Variants in DBT observed in about 807,000 individuals in gnomAD.
The protein encoded by DBT is dihydrolipoamide branched chain transacylase E2, also known as lipoamide acyltransferase component of branched-chain alpha-keto acid dehydrogenase complex, mitochondrial.
Under a neutral mutation model 51.3 loss-of-function variants are expected in DBT, and 40 were observed. The observed-to-expected ratio is 0.78, with a 90% CI of 0.61 to 1.02. The LOEUF is 1.02. Ranked by LOEUF, DBT falls within the 50% of genes least tolerant of loss-of-function variation. DBT has a pLI of 0.00. For missense variants in DBT, 510 were observed against 580.2 expected (o/e 0.88, Z 1.24); for synonymous variants, 181 against 190.4 (o/e 0.95, Z 0.41).
chr1:100,210,333 A>AT (rs1662058865), intron 8 of DBT, among the ~76,000 whole-genome samples: 4 of 126,290 alleles, frequency 3.2e-5, no homozygotes, highest in African/African-American at 8.1e-5. Flanking sequence ...AATAAGAAGA[A>AT]GAAGAAGAAG....
At chr1:100,198,582 A>C (rs190185592) in intron 10 of DBT, among the ~76,000 whole-genome samples, 19 of 152,348 alleles carry the variant, frequency 1.2e-4, no homozygotes, top group African/African-American at 4.6e-4. Flanking sequence ...AATTTTGTCA[A>C]ACAGGTATAA....
At chr1:100,243,884 C>T (rs757971878) in intron 1 of DBT, among the ~76,000 whole-genome samples, 1 of 150,102 alleles carries the variant, frequency 6.7e-6, no homozygotes, top group Non-Finnish European at 1.5e-5. Flanking sequence ...GACATGCATG[C>T]TCTAACTTTT....
At chr1:100,203,286 G>A (rs1205085941) in intron 10 of DBT, among the ~76,000 whole-genome samples, 1 of 152,180 alleles carries the variant, frequency 6.6e-6, no homozygotes. Context: ...TGATCTCACA[G>A]AAATACAAAC....
In DBT at chr1:100,196,074, C is replaced by T. The variant is rs187133238; in HGVS notation, c.*181G>A. 44 of 649,972 alleles carry T rather than the reference C, an allele frequency of 6.8e-5. No individual in the cohort carries two copies. Among genetic ancestry groups the T allele is most frequent in the African/African-American group, 6.0e-4 (33 of 55,046 alleles). The allele number at this position is 649,972 out of a possible 1,614,324, so 40.3% of individuals were successfully genotyped here. ...TGTGACAGCCCCAGGAGAACCATTA[C>T]ACCATTATTCATTTTCAGTAAAAAG... On this transcript the variant is annotated 3_prime_UTR_variant, in exon 11 of 11. Transcript: ENST00000370132.
intron 4 of DBT, among the ~76,000 whole-genome samples, chr1:100,225,042 A>ATATATATGTATATAT (rs1334781885): frequency 2.2e-5 from 1 of 45,648 alleles, no homozygotes; most frequent in African/African-American, 6.7e-5. Context: ...AAAAAAAAAA[A>ATATATATGTATATAT]ATATATATAT....
intron 4 of DBT, among the ~76,000 whole-genome samples, chr1:100,225,985 C>T (rs551611712): frequency 5.9e-5 from 9 of 152,064 alleles, no homozygotes; most frequent in Non-Finnish European, 1.3e-4. Context: ...CAGAGCAAGA[C>T]CCCATGTCAA....
intron 4 of DBT, among the ~76,000 whole-genome samples, chr1:100,220,696 T>G (rs1392535303): frequency 6.6e-6 from 1 of 152,188 alleles, no homozygotes; most frequent in Non-Finnish European, 1.5e-5. Context: ...GTTTAAAAAG[T>G]GAGGTTTGAC....
intron 8 of DBT, among the ~76,000 whole-genome samples, chr1:100,209,941 C>A (rs942860768): frequency 6.6e-6 from 1 of 152,174 alleles, no homozygotes; most frequent in Non-Finnish European, 1.5e-5. Flanking sequence ...GAAACTTTCA[C>A]TACTCACAGA....
Position 100,214,808 on chromosome 1 carries a change from G to T in DBT, c.939+9C>A. Reference sequence around the variant, plus strand: ...TACTCAAGCCTTGTTTGAAATGAATGAATCTCACCTTTAAGAAGAAAGGCA... The same window carrying T: ...TACTCAAGCCTTGTTTGAAATGAATTAATCTCACCTTTAAGAAGAAAGGCA... On this transcript the variant is annotated intron_variant, in intron 7 of 10. Transcript: ENST00000370132. 1 of 1,613,156 alleles carries T rather than the reference G, an allele frequency of 6.2e-7. No individual in the cohort carries two copies. The highest frequency in any genetic ancestry group is 8.5e-7 in the Non-Finnish European group (1 of 1,179,256).
rs1011398782 is a variant in DBT, at chr1:100,194,377, A to G, written c.*1878T>C. On this transcript the variant is annotated 3_prime_UTR_variant, in exon 11 of 11. Transcript: ENST00000370132. Reference sequence around the variant, plus strand: ...TTCTGAGACAAAGTGTTGCTCTGCCACCCAGGCTGGAGTGCAGTGGTGTGA... The same window carrying G: ...TTCTGAGACAAAGTGTTGCTCTGCCGCCCAGGCTGGAGTGCAGTGGTGTGA... The G allele has an allele frequency of 1.3e-5, 2 of 148,572 alleles. No individual in the cohort carries two copies. Among genetic ancestry groups the G allele is most frequent in the African/African-American group, 5.0e-5 (2 of 40,080 alleles). 9.2% of individuals were successfully genotyped at this position (148,572 alleles called of 1,614,324 possible).
intron 10 of DBT, among the ~76,000 whole-genome samples, chr1:100,203,910 G>A (rs1661600575): frequency 6.6e-6 from 1 of 152,092 alleles, no homozygotes; most frequent in Non-Finnish European, 1.5e-5. Flanking sequence ...ACCCCTTCAT[G>A]CTAAAAACAC....
chr1:100,246,486 A>G (rs1485296418), intron 1 of DBT, among the ~76,000 whole-genome samples: 1 of 152,242 alleles, frequency 6.6e-6, no homozygotes, highest in Non-Finnish European at 1.5e-5. Context: ...ACACTTTACT[A>G]CAGGAAGACA....
At position 100,230,779 on chromosome 1, in the gene DBT, G is replaced by A. The variant is rs200503541; in HGVS notation, c.387C>T (p.Ala129=). Residue 129 remains alanine (A), a synonymous_variant, in exon 4 of 11, where the codon GCC becomes GCT. Transcript: ENST00000370132. Reference sequence around the variant, plus strand: ...TGTCTACTAATGGCTTCCCCACATAGGCAATATCGTCTAGATTATAATAGA... The same window carrying A: ...TGTCTACTAATGGCTTCCCCACATAAGCAATATCGTCTAGATTATAATAGA... The part of the protein sequence containing the change: ...KKLYYNLDDI[A]YVGKPLVDIE... 7 of 1,611,294 alleles carry A rather than the reference G, an allele frequency of 4.3e-6. No homozygotes were observed. Among genetic ancestry groups the A allele is most frequent in the Non-Finnish European group, 5.9e-6 (7 of 1,178,062 alleles).
intron 4 of DBT, among the ~76,000 whole-genome samples, chr1:100,225,052 TACAC>T (rs71084808): frequency 0.023 from 1,811 of 78,944 alleles, 150 homozygotes; most frequent in African/African-American, 0.038. Flanking sequence ...AATATATATA[TACAC>T]ACACACACAC....
chr1:100,198,458 T>G (rs1471773449), intron 10 of DBT, among the ~76,000 whole-genome samples: 1 of 152,228 alleles, frequency 6.6e-6, no homozygotes, highest in East Asian at 1.9e-4. Flanking sequence ...CACTGAACAA[T>G]GTACTTAAAA....
At chr1:100,215,037 C>CA in intron 6 of DBT, 54 bp from the exon 7 acceptor site, 26 of 964,216 alleles carry the variant, frequency 2.7e-5, no homozygotes, top group Non-Finnish European at 3.5e-5. Context: ...TCTCTTCATC[C>CA]TTTTTTTTTT....
At chr1:100,200,061 G>C (rs116584584) in intron 10 of DBT, among the ~76,000 whole-genome samples, 5,797 of 152,114 alleles carry the variant, frequency 0.038, 130 homozygotes, top group South Asian at 0.052. Context: ...AACTGTGAGA[G>C]ACACTCCCCT....
chr1:100,212,538 A>G (rs952585950), intron 7 of DBT, among the ~76,000 whole-genome samples: 1 of 142,872 alleles, frequency 7.0e-6, no homozygotes, highest in Non-Finnish European at 1.5e-5. Context: ...AACCCTTTCT[A>G]AAAAAAAAAA....
intron 5 of DBT, among the ~76,000 whole-genome samples, chr1:100,216,847 T>C (rs1662524904): frequency 6.6e-6 from 1 of 152,178 alleles, no homozygotes; most frequent in Non-Finnish European, 1.5e-5. Context: ...TTTAATTCTA[T>C]TTAAATAAAA....
Sources: allele counts gnomAD v4.1 joint callset (sites outside exome capture counted in the v4.1 genomes callset), GRCh38; gene constraint gnomAD v4.1.1; transcripts MANE v1.5; gene names NCBI Gene and HGNC (gene_info 2026-07-23, HGNC 2026-07-21).